Variants in CCDC88A observed in about 807,000 individuals in gnomAD.
CCDC88A encodes the protein girdin.
Under a neutral mutation model 234.3 loss-of-function variants are expected in CCDC88A, and 54 were observed. The observed-to-expected ratio is 0.23, with a 90% CI of 0.19 to 0.29. The LOEUF is 0.29. Ranked by LOEUF, CCDC88A falls within the 10% of genes least tolerant of loss-of-function variation. The probability of loss-of-function intolerance (pLI) is 1.00; values close to 1 mark genes in which losing one functional copy is unlikely to be tolerated. For synonymous variants in CCDC88A, 753 were observed against 737.8 expected, an observed-to-expected ratio of 1.02 and a Z score of -0.33; for missense variants, 1,832 against 2,123.4, an observed-to-expected ratio of 0.86 and a Z score of 2.70.
intron 15 of CCDC88A, among the ~76,000 whole-genome samples, chr2:55,333,670 A>T (rs1685183505): frequency 6.6e-6 from 1 of 152,098 alleles, no homozygotes; most frequent in African/African-American, 2.4e-5. Context: ...ATATGTGTGT[A>T]TATATATTTG....
intron 31 of CCDC88A, chr2:55,294,270 G>A: frequency 1.0e-6 from 1 of 965,610 alleles, no homozygotes; most frequent in Non-Finnish European, 1.2e-6. Context: ...CCATCTTGAA[G>A]AAAAGACAGT....
chr2:55,358,569 C>A (rs548965163), intron 7 of CCDC88A, among the ~76,000 whole-genome samples: 2 of 152,210 alleles, frequency 1.3e-5, no homozygotes, highest in African/African-American at 4.8e-5. Context: ...CTACTTAAGC[C>A]TCCAACTGCA....
In CCDC88A at chr2:55,341,651, G is replaced by A. The variant is rs1211267423; in HGVS notation, c.1333+1997C>T. ...GCAGAGACGGGGTTTCACCATATTG[G>A]TCAGGCTGGTCTTGAACTCTTGACC... On this transcript the variant is annotated intron_variant, in intron 12 of 32. Coordinates refer to ENST00000436346, the MANE Select transcript of CCDC88A (RefSeq NM_001365480.1). Among the ~76,000 whole-genome samples, 3 of 146,412 alleles carry A rather than the reference G, an allele frequency of 2.0e-5. No homozygotes were observed. The East Asian group carries it at 6.2e-4, about 30-fold the overall frequency.
In CCDC88A at chr2:55,317,121, A is replaced by T. The variant is rs894323317; in HGVS notation, c.3746+85T>A. The stretch of plus-strand genomic sequence containing the variant: ...AGTTTGGATGTAAGAAATAATACAT[A>T]ATTTTGAAAAAACATATATATACAC... On this transcript the variant is annotated intron_variant, in intron 21 of 32. Coordinates refer to ENST00000436346, the MANE Select transcript of CCDC88A (RefSeq NM_001365480.1). This position sits in a 1 kb window ranked among gnomAD's most constrained non-coding sequence, Gnocchi z 4.2. 1.4e-5 allele frequency: 7 copies of T among 496,470 alleles called. No homozygotes were observed. The highest frequency in any genetic ancestry group is 1.8e-5 in the Non-Finnish European group (6 of 326,020). The allele number at this position is 496,470 out of a possible 1,614,324, so 30.8% of individuals were successfully genotyped here.
intron 11 of CCDC88A, chr2:55,344,084 A>C (rs533612729): frequency 2.5e-5 from 9 of 361,150 alleles, no homozygotes; most frequent in Non-Finnish European, 4.4e-5. Context: ...AAATTTTAGC[A>C]ATCAGATTTC....
At chr2:55,378,476 A>C (rs896186799) in intron 3 of CCDC88A, among the ~76,000 whole-genome samples, 7 of 152,218 alleles carry the variant, frequency 4.6e-5, no homozygotes, top group African/African-American at 1.7e-4. Context: ...TTTTAGCTCC[A>C]TGATGTACAA....
chr2:55,384,591 A>G (rs866082945), intron 3 of CCDC88A, among the ~76,000 whole-genome samples: 335 of 2,384 alleles, frequency 0.14, 121 homozygotes, highest in African/African-American at 0.25. Context: ...GTATATATAC[A>G]CATATATACG....
chr2:55,300,128 A>G lies in CCDC88A; in HGVS notation c.4745-209T>C. ...CTGAAACAATAGTTGAGATTCAAAGAGGAGGATAAAGTGCATATTTAGATT... is the reference window on the plus strand; with the variant it reads ...CTGAAACAATAGTTGAGATTCAAAGGGGAGGATAAAGTGCATATTTAGATT... On this transcript the variant is annotated intron_variant, in intron 28 of 32. Coordinates refer to ENST00000436346, the MANE Select transcript of CCDC88A (RefSeq NM_001365480.1). The G allele has an allele frequency of 1.2e-5, 6 of 502,426 alleles. No individual in the cohort carries two copies. The South Asian group carries it at 1.3e-4, about 11-fold the overall frequency. The allele number at this position is 502,426 out of a possible 1,614,324, so 31.1% of individuals were successfully genotyped here. A position where few individuals can be genotyped will look rare whatever the true frequency, so the allele number is the denominator to read the frequency against.
At chr2:55,358,633 C>A (rs1264235091) in intron 7 of CCDC88A, among the ~76,000 whole-genome samples, 1 of 152,124 alleles carries the variant, frequency 6.6e-6, no homozygotes, top group East Asian at 1.9e-4. Flanking sequence ...GCCAAAGAAA[C>A]AAAACCACGT....
chr2:55,376,022 C>T (rs6718031), intron 3 of CCDC88A, among the ~76,000 whole-genome samples: 137,703 of 152,234 alleles, frequency 0.9, 62,457 homozygotes, highest in Admixed American at 0.95. Flanking sequence ...TACAAGAATA[C>T]ATGTAGATTC....
intron 2 of CCDC88A, chr2:55,399,700 T>C (rs1408216114): frequency 6.6e-6 from 1 of 152,186 alleles, no homozygotes; most frequent in Non-Finnish European, 1.5e-5. Context: ...TTCATTTACC[T>C]GAGGGAAAAA....
At chr2:55,324,653 C>CTTT (rs145610788) in intron 17 of CCDC88A, among the ~76,000 whole-genome samples, 20 of 147,994 alleles carry the variant, frequency 1.4e-4, no homozygotes, top group African/African-American at 4.4e-4. Flanking sequence ...CCTTCTTTTT[C>CTTT]TTTTTTTTTT....
At chr2:55,319,388 T>C (rs1213308102) in intron 18 of CCDC88A, among the ~76,000 whole-genome samples, 4 of 152,298 alleles carry the variant, frequency 2.6e-5, no homozygotes, top group African/African-American at 7.2e-5. Flanking sequence ...TGTCCAACCA[T>C]GGAGGTCTAA....
intron 7 of CCDC88A, among the ~76,000 whole-genome samples, chr2:55,360,658 T>C (rs1671168884): frequency 6.6e-6 from 1 of 152,260 alleles, no homozygotes; most frequent in African/African-American, 2.4e-5. Context: ...ATATTCCTTT[T>C]AGTTTACCAG....
intron 3 of CCDC88A, among the ~76,000 whole-genome samples, chr2:55,375,292 AT>A (rs939519051): frequency 7.2e-5 from 11 of 151,988 alleles, no homozygotes; most frequent in Non-Finnish European, 1.2e-4. Flanking sequence ...TCTAATTATT[AT>A]TTGGAAATCT....
rs536265502 is a variant in CCDC88A, at chr2:55,381,129, T to C, written c.274-6246A>G. Reference sequence around the variant, plus strand: ...CAGTATTCAGTACAGTAACATGCTATACAGGTTTGCAGCCTAGGAGCTATA... The same window carrying C: ...CAGTATTCAGTACAGTAACATGCTACACAGGTTTGCAGCCTAGGAGCTATA... On this transcript the variant is annotated intron_variant, in intron 3 of 32. Coordinates refer to ENST00000436346, the MANE Select transcript of CCDC88A (RefSeq NM_001365480.1). Among the ~76,000 whole-genome samples, 6 of 143,820 alleles carry C rather than the reference T, an allele frequency of 4.2e-5. No homozygotes were observed. The East Asian group carries it at 1.4e-3, about 33-fold the overall frequency. 94.4% of individuals were successfully genotyped at this position (143,820 alleles called of 152,430 possible).
At chr2:55,303,391 CTTTT>C (rs397965492) in intron 25 of CCDC88A, among the ~76,000 whole-genome samples, 3 of 135,470 alleles carry the variant, frequency 2.2e-5, no homozygotes, top group Admixed American at 7.4e-5. Flanking sequence ...GGAACATATA[CTTTT>C]TTTTTTTTTT....
chr2:55,291,455 TG>T (rs892420070), intron 32 of CCDC88A: 1 of 318,724 alleles, frequency 3.1e-6, no homozygotes, highest in African/African-American at 2.1e-5. Flanking sequence ...AAATTTAAAG[TG>T]ACAAAAAAAC....
intron 25 of CCDC88A, among the ~76,000 whole-genome samples, chr2:55,303,552 T>A (rs189377276): frequency 2.6e-5 from 4 of 152,166 alleles, no homozygotes; most frequent in Admixed American, 2.6e-4. Flanking sequence ...TGGCTAATTT[T>A]GTATTTTTAG....
Sources: allele counts gnomAD v4.1 joint callset (sites outside exome capture counted in the v4.1 genomes callset), GRCh38; gene constraint gnomAD v4.1.1; non-coding constraint Gnocchi (gnomAD v3.1); transcripts MANE v1.5; gene names NCBI Gene and HGNC (gene_info 2026-07-23, HGNC 2026-07-21).